ASAP1: variants seen among roughly 807,000 people sequenced by gnomAD.
The protein encoded by ASAP1 is arf-GAP with SH3 domain, ANK repeat and PH domain-containing protein 1.
Under a neutral mutation model 145.2 loss-of-function variants are expected in ASAP1, and 43 were observed. The observed-to-expected ratio is 0.30, with a 90% CI of 0.23 to 0.38. The LOEUF is 0.38. ASAP1 is among the 10% of genes least tolerant of loss of function. The probability of loss-of-function intolerance (pLI) is 1.00; values close to 1 mark genes in which losing one functional copy is unlikely to be tolerated. For missense variants in ASAP1, 1,018 were observed against 1,355.3 expected, an observed-to-expected ratio of 0.75 and a Z score of 3.91; for synonymous variants, 546 against 515.5, an observed-to-expected ratio of 1.06 and a Z score of -0.80.
intron 24 of ASAP1, among the ~76,000 whole-genome samples, chr8:130,097,656 A>G (rs575844994): frequency 6.6e-6 from 1 of 152,212 alleles, no homozygotes; most frequent in Non-Finnish European, 1.5e-5. Context: ...AGAAGTGACT[A>G]TGCTCACCCT....
intron 3 of ASAP1, among the ~76,000 whole-genome samples, chr8:130,260,963 C>A (rs1490480538): frequency 6.6e-6 from 1 of 152,256 alleles, no homozygotes; most frequent in East Asian, 1.9e-4. Flanking sequence ...ATTTCAAAGT[C>A]TCCCAGGGTC....
intron 27 of ASAP1, among the ~76,000 whole-genome samples, chr8:130,075,366 C>T (rs147828617): frequency 5.9e-5 from 9 of 152,330 alleles, no homozygotes; most frequent in African/African-American, 2.2e-4. Flanking sequence ...CAGTGCTCTT[C>T]AAAGTGTGTT....
intron 3 of ASAP1, among the ~76,000 whole-genome samples, chr8:130,288,034 A>G (rs1821722360): frequency 6.6e-6 from 1 of 152,022 alleles, no homozygotes; most frequent in African/African-American, 2.4e-5. Flanking sequence ...AGCGCTTTCA[A>G]ACTGTGCTCT....
intron 9 of ASAP1, among the ~76,000 whole-genome samples, chr8:130,171,217 C>T (rs1023101355): frequency 7.2e-5 from 11 of 152,184 alleles, no homozygotes; most frequent in African/African-American, 2.2e-4. Flanking sequence ...TCCATCCTTC[C>T]CCACTTCAGC....
intron 3 of ASAP1, among the ~76,000 whole-genome samples, chr8:130,347,709 C>G (rs139951615): frequency 1.3e-5 from 2 of 152,294 alleles, no homozygotes; most frequent in African/African-American, 2.4e-5. Flanking sequence ...CCAAGTGGAG[C>G]CAATCCAATC....
At chr8:130,278,418 T>G (rs4733571) in intron 3 of ASAP1, among the ~76,000 whole-genome samples, 53,841 of 151,614 alleles carry the variant, frequency 0.36, 10,215 homozygotes, top group East Asian at 0.6. Flanking sequence ...TACCTAAAAA[T>G]GAACTGCACT....
chr8:130,110,492 AC>A (rs1207239564), intron 24 of ASAP1, among the ~76,000 whole-genome samples: 3 of 152,220 alleles, frequency 2.0e-5, no homozygotes, highest in Non-Finnish European at 2.9e-5. Flanking sequence ...GAATGCCATT[AC>A]CCACAGGGAA....
chr8:130,086,912 A>C (rs2097494587), intron 25 of ASAP1, among the ~76,000 whole-genome samples: 1 of 152,192 alleles, frequency 6.6e-6, no homozygotes, highest in South Asian at 2.1e-4. Context: ...TAGATGCATT[A>C]AAGGTTATGA....
rs2097554007 is a variant in ASAP1, at chr8:130,115,516, C to G, written c.2172+112G>C. 3 of 815,964 alleles carry G rather than the reference C, an allele frequency of 3.7e-6. No individual in the cohort carries two copies. The South Asian group carries it at 4.8e-5, about 13-fold the overall frequency. The allele number at this position is 815,964 out of a possible 1,614,324, so 50.5% of individuals were successfully genotyped here. A position where few individuals can be genotyped will look rare whatever the true frequency, so the allele number is the denominator to read the frequency against. On this transcript the variant is annotated intron_variant, in intron 23 of 29. Coordinates refer to ENST00000518721, the MANE Select transcript of ASAP1 (RefSeq NM_018482.4). ...CTGAACAACATAAATGGCCCTGATA[C>G]ATTGGATCATAAAACCACAATCAAT...
At chr8:130,427,417 G>T (rs1192249259) in intron 1 of ASAP1, among the ~76,000 whole-genome samples, 7 of 152,188 alleles carry the variant, frequency 4.6e-5, no homozygotes, top group African/African-American at 1.7e-4. Flanking sequence ...GGTTTCACAA[G>T]CACCAATAAG....
At chr8:130,206,854 T>A (rs1041329754) in intron 5 of ASAP1, among the ~76,000 whole-genome samples, 5 of 152,222 alleles carry the variant, frequency 3.3e-5, no homozygotes, top group African/African-American at 1.2e-4. Flanking sequence ...GGTTTTGGTA[T>A]TAAATGGATG....
At position 130,103,039 on chromosome 8, in the gene ASAP1, T is replaced by A. The variant is rs562360894; in HGVS notation, c.2401+9055A>T. ...TGGCAGAATTCAAGTAATAAAGCCA[T>A]CTGGTCCTGGAGTTTTCTTTGTTGG... On this transcript the variant is annotated intron_variant, in intron 24 of 29. Transcript: ENST00000518721. Among the ~76,000 whole-genome samples, 9 of 152,266 alleles carry A rather than the reference T, an allele frequency of 5.9e-5. No homozygotes were observed. In the South Asian group the frequency reaches 1.7e-3, roughly 28 times the overall value.
intron 13 of ASAP1, among the ~76,000 whole-genome samples, chr8:130,151,054 G>T (rs941491407): frequency 1.3e-5 from 2 of 151,954 alleles, no homozygotes; most frequent in African/African-American, 4.8e-5. Context: ...ACCAGAACAT[G>T]GCAGAATGGA....
intron 4 of ASAP1, among the ~76,000 whole-genome samples, chr8:130,230,240 G>A (rs1817831524): frequency 6.6e-6 from 1 of 151,978 alleles, no homozygotes; most frequent in African/African-American, 2.4e-5. Context: ...TAAGTAAAAT[G>A]AGAGCACTCA....
At chr8:130,060,172 G>A (rs1423637612) in intron 28 of ASAP1, among the ~76,000 whole-genome samples, 2 of 151,064 alleles carry the variant, frequency 1.3e-5, no homozygotes, top group African/African-American at 2.4e-5. Context: ...CTCAGGAAAG[G>A]AAAAGTTTCA....
chr8:130,093,532 C>T (rs141874614), intron 24 of ASAP1, among the ~76,000 whole-genome samples: 2,565 of 151,726 alleles, frequency 0.017, 38 homozygotes, highest in East Asian at 0.041. Context: ...CCAGGTGTGG[C>T]GGTGCACGCC....
intron 4 of ASAP1, among the ~76,000 whole-genome samples, chr8:130,223,332 T>C (rs1003757764): frequency 2.6e-5 from 4 of 152,096 alleles, no homozygotes; most frequent in African/African-American, 9.7e-5. Flanking sequence ...ATATATAACC[T>C]TGGAAATGGC....
intron 3 of ASAP1, among the ~76,000 whole-genome samples, chr8:130,327,946 G>C (rs1202613362): frequency 6.6e-6 from 1 of 152,134 alleles, no homozygotes; most frequent in East Asian, 1.9e-4. Flanking sequence ...TAATGACATG[G>C]AGAAATGCTC....
intron 10 of ASAP1, 70 bp downstream of exon 10, chr8:130,168,922 C>G: frequency 2.2e-6 from 2 of 922,156 alleles, no homozygotes; most frequent in Non-Finnish European, 3.4e-6. Context: ...CTTTCTAATA[C>G]AGATTTCAAA....
Sources: allele counts gnomAD v4.1 joint callset (sites outside exome capture counted in the v4.1 genomes callset), GRCh38; gene constraint gnomAD v4.1.1; transcripts MANE v1.5; gene names NCBI Gene and HGNC (gene_info 2026-07-23, HGNC 2026-07-21).